Variants in ERBIN observed in about 807,000 individuals in gnomAD.
ERBIN encodes erbb2 interacting protein, also known as densin-180-like protein.
Under a neutral mutation model 158.4 loss-of-function variants are expected in ERBIN, and 60 were observed. The ratio of observed to expected loss-of-function variants is 0.38; its 90% CI spans 0.31 to 0.47. The LOEUF is 0.47. Ranked by LOEUF, ERBIN falls within the 20% of genes least tolerant of loss-of-function variation. The probability of loss-of-function intolerance (pLI) is 0.99; values close to 1 mark genes in which losing one functional copy is unlikely to be tolerated. For synonymous variants in ERBIN, 594 were observed against 557.2 expected, an observed-to-expected ratio of 1.07 and a Z score of -0.93; for missense variants, 1,610 against 1,648.0, an observed-to-expected ratio of 0.98 and a Z score of 0.40.
intron 21 of ERBIN, among the ~76,000 whole-genome samples, chr5:66,059,838 G>A (rs377022918): frequency 1.3e-5 from 2 of 152,226 alleles, no homozygotes; most frequent in South Asian, 4.1e-4. Flanking sequence ...GCTGGATTAC[G>A]TTTATTGATT....
intron 1 of ERBIN, among the ~76,000 whole-genome samples, chr5:65,983,558 T>C (rs1473913042): frequency 5.9e-5 from 9 of 152,202 alleles, no homozygotes; most frequent in Admixed American, 5.2e-4. Context: ...CAAATACAGA[T>C]TAGCAACATT....
chr5:65,947,399 T>G (rs1392329453), intron 1 of ERBIN, among the ~76,000 whole-genome samples: 1 of 152,144 alleles, frequency 6.6e-6, no homozygotes, highest in African/African-American at 2.4e-5. Flanking sequence ...CTGGATAATT[T>G]TTGTATTTTC....
At chr5:65,983,259 A>G (rs1750841168) in intron 1 of ERBIN, among the ~76,000 whole-genome samples, 1 of 152,200 alleles carries the variant, frequency 6.6e-6, no homozygotes, top group Non-Finnish European at 1.5e-5. Context: ...TTGATCTTCT[A>G]GTTATAAGTA....
Position 66,043,112 on chromosome 5 carries a change from T to A in ERBIN, c.1342T>A (p.Ser448Thr). The A allele has an allele frequency of 6.2e-7, 1 of 1,610,126 alleles. No individual in the cohort carries two copies. The highest frequency in any genetic ancestry group is 8.5e-7 in the Non-Finnish European group (1 of 1,176,554). ...FISDNESFNP[S>T]LWEEQRKQRA... ...ATCAGATAATGAAAGTTTTAACCCTTCATTGTGGGAGGAACAGAGGAAACA... is the reference window on the plus strand; with the variant it reads ...ATCAGATAATGAAAGTTTTAACCCTACATTGTGGGAGGAACAGAGGAAACA... The change falls in exon 16 of 26, where the codon TCA (serine) becomes ACA (threonine). Residue 448 changes from serine (S) to threonine (T), a missense_variant. This residue lies in a region of ERBIN where 596 missense variants were observed against 711.9 expected (regional missense o/e 0.84). Coordinates refer to ENST00000284037, the MANE Select transcript of ERBIN (RefSeq NM_001253697.2).
At chr5:66,059,983 A>T (rs1580500956) in intron 21 of ERBIN, among the ~76,000 whole-genome samples, 1 of 152,176 alleles carries the variant, frequency 6.6e-6, no homozygotes, top group Non-Finnish European at 1.5e-5. Context: ...CATCAAGGAT[A>T]TTGGTCTAAA....
At chr5:66,000,452 G>A (rs1233107354) in intron 4 of ERBIN, among the ~76,000 whole-genome samples, 2 of 152,038 alleles carry the variant, frequency 1.3e-5, no homozygotes, top group Non-Finnish European at 2.9e-5. Context: ...TTCTAGTTTA[G>A]CATTTTGTTG....
chr5:65,976,151 T>C (rs541303567), intron 1 of ERBIN, among the ~76,000 whole-genome samples: 2 of 152,088 alleles, frequency 1.3e-5, no homozygotes, highest in Admixed American at 1.3e-4. Flanking sequence ...GGATCGTATC[T>C]TATGGGGAAG....
intron 1 of ERBIN, among the ~76,000 whole-genome samples, chr5:65,954,996 C>T (rs1025560386): frequency 6.6e-6 from 1 of 151,930 alleles, no homozygotes; most frequent in Non-Finnish European, 1.5e-5. Flanking sequence ...ACTCGGGAGG[C>T]GGAGGTTGCA....
chr5:65,997,890 A>G (rs1752602564), intron 4 of ERBIN, among the ~76,000 whole-genome samples: 1 of 152,126 alleles, frequency 6.6e-6, no homozygotes, highest in East Asian at 1.9e-4. Flanking sequence ...CACAATTAAC[A>G]GTTAACTTTG....
intron 1 of ERBIN, among the ~76,000 whole-genome samples, chr5:65,969,664 A>G (rs541926653): frequency 7.9e-5 from 12 of 152,156 alleles, no homozygotes; most frequent in Non-Finnish European, 1.6e-4. Context: ...TTAAAATTAT[A>G]TTGTCAAGTG....
chr5:66,021,977 T>C (rs1755741677), intron 8 of ERBIN, among the ~76,000 whole-genome samples: 1 of 152,034 alleles, frequency 6.6e-6, no homozygotes, highest in Non-Finnish European at 1.5e-5. Flanking sequence ...TAGATTTTTT[T>C]TTTTTTGAAG....
chr5:66,068,236 A>G (rs1225653650), intron 21 of ERBIN, among the ~76,000 whole-genome samples: 1 of 151,820 alleles, frequency 6.6e-6, no homozygotes, highest in Non-Finnish European at 1.5e-5. Context: ...AGTCCTGTCT[A>G]CTCAGGAGGC....
At chr5:65,938,014 C>G (rs1561266164) in intron 1 of ERBIN, among the ~76,000 whole-genome samples, 1 of 152,172 alleles carries the variant, frequency 6.6e-6, no homozygotes, top group Non-Finnish European at 1.5e-5. Flanking sequence ...ATATCTCTTT[C>G]TAGGAAGATA....
chr5:66,039,307 A>G (rs934149187), intron 15 of ERBIN, among the ~76,000 whole-genome samples: 1 of 151,916 alleles, frequency 6.6e-6, no homozygotes, highest in Non-Finnish European at 1.5e-5. Flanking sequence ...TTCATTCACT[A>G]CAAAACACTC....
At chr5:66,004,179 A>T (rs980122273) in intron 4 of ERBIN, among the ~76,000 whole-genome samples, 3 of 150,490 alleles carry the variant, frequency 2.0e-5, no homozygotes, top group African/African-American at 7.3e-5. Context: ...TTGTCCTCAA[A>T]CAGTACTCCG....
intron 1 of ERBIN, among the ~76,000 whole-genome samples, chr5:65,973,975 T>G (rs1043493601): frequency 6.6e-6 from 1 of 151,306 alleles, no homozygotes; most frequent in Admixed American, 6.6e-5. Flanking sequence ...TGACTCATGC[T>G]TGTAATTCCA....
chr5:65,984,491 C>A (rs1270543449), intron 1 of ERBIN, among the ~76,000 whole-genome samples: 1 of 152,202 alleles, frequency 6.6e-6, no homozygotes, highest in Non-Finnish European at 1.5e-5. Context: ...AGGCTTCATG[C>A]CCACCCAGGC....
intron 1 of ERBIN, among the ~76,000 whole-genome samples, chr5:65,963,582 G>A (rs1481457586): frequency 6.6e-6 from 1 of 151,806 alleles, no homozygotes; most frequent in Non-Finnish European, 1.5e-5. Flanking sequence ...TGGGCAACAA[G>A]AGCGAAACTC....
At chr5:66,030,532 C>G (rs1756757293) in intron 14 of ERBIN, among the ~76,000 whole-genome samples, 1 of 149,324 alleles carries the variant, frequency 6.7e-6, no homozygotes, top group Non-Finnish European at 1.5e-5. Context: ...TCGAGGAACT[C>G]TTAGACTAAT....
Sources: allele counts gnomAD v4.1 joint callset (sites outside exome capture counted in the v4.1 genomes callset), GRCh38; gene constraint gnomAD v4.1.1; regional missense constraint gnomAD v4.1.1; transcripts MANE v1.5; gene names NCBI Gene and HGNC (gene_info 2026-07-23, HGNC 2026-07-21).